MEF2A: variants seen among roughly 807,000 people sequenced by gnomAD.
MEF2A encodes myocyte enhancer factor 2A.
In MEF2A, 28 loss-of-function variants were observed where a neutral mutation model predicts 55.8. The ratio of observed to expected loss-of-function variants is 0.50; its 90% CI spans 0.37 to 0.69. The LOEUF (loss-of-function observed/expected upper bound fraction) is 0.69, where lower values mean the gene tolerates loss of function less well. Ranked by LOEUF, MEF2A falls within the 30% of genes least tolerant of loss-of-function variation. The pLI, the probability that MEF2A is intolerant of heterozygous loss-of-function variation, is 0.00. For synonymous variants in MEF2A, 239 were observed against 227.1 expected, an observed-to-expected ratio of 1.05 and a Z score of -0.47; for missense variants, 528 against 626.2, an observed-to-expected ratio of 0.84 and a Z score of 1.67.
In MEF2A at chr15:99,712,564, A is replaced by ACAACCCCCGCAGCCCCAGCCC. The variant is rs1297176531; in HGVS notation, c.1313_1333dup (p.Gln438_Pro444dup). The ACAACCCCCGCAGCCCCAGCCC allele has an allele frequency of 6.5e-7, 1 of 1,548,018 alleles. No individual in the cohort carries two copies. Among genetic ancestry groups the ACAACCCCCGCAGCCCCAGCCC allele is most frequent in the Non-Finnish European group, 8.7e-7 (1 of 1,144,980 alleles). ...CGCCGCCACCACCGCAGCCCCAGCC[A>ACAACCCCCGCAGCCCCAGCCC]CAACCCCCGCAGCCCCAGCCCCGAC... On this transcript the variant is annotated inframe_insertion, in exon 12 of 12. Transcript: ENST00000557942. This position sits in a 1 kb window ranked among gnomAD's most constrained non-coding sequence, Gnocchi z 4.1.
intron 4 of MEF2A, among the ~76,000 whole-genome samples, chr15:99,669,129 T>A (rs1438212094): frequency 6.6e-6 from 1 of 152,238 alleles, no homozygotes; most frequent in Non-Finnish European, 1.5e-5. Flanking sequence ...TTCTTTTTTC[T>A]CTGGCAATTA....
chr15:99,587,443 T>C (rs562092152), intron 1 of MEF2A, among the ~76,000 whole-genome samples: 5 of 152,344 alleles, frequency 3.3e-5, no homozygotes, highest in East Asian at 3.9e-4. Flanking sequence ...GGCTGTATTA[T>C]AAATTTTTAG....
At chr15:99,627,287 A>G (rs2570938) in intron 2 of MEF2A, among the ~76,000 whole-genome samples, 145,372 of 151,890 alleles carry the variant, frequency 0.96, 69,883 homozygotes, top group East Asian at 1. Context: ...GAACATGATG[A>G]TGGATGCCTA....
chr15:99,590,356 T>C (rs1968845209), intron 1 of MEF2A, among the ~76,000 whole-genome samples: 3 of 150,654 alleles, frequency 2.0e-5, no homozygotes, highest in Admixed American at 1.3e-4. Flanking sequence ...TGTGTTAATT[T>C]AAAGTGATAT....
intron 1 of MEF2A, among the ~76,000 whole-genome samples, chr15:99,594,271 G>A (rs1364566937): frequency 4.6e-5 from 7 of 152,120 alleles, no homozygotes; most frequent in African/African-American, 1.7e-4. Context: ...AGAACTCAGG[G>A]AAACACTTTA....
chr15:99,590,217 T>G (rs1043805142), intron 1 of MEF2A, among the ~76,000 whole-genome samples: 2 of 152,032 alleles, frequency 1.3e-5, no homozygotes, highest in Non-Finnish European at 2.9e-5. Flanking sequence ...TTTGATAATT[T>G]GAGACTGTAA....
At chr15:99,574,194 T>C (rs1963508648) in intron 1 of MEF2A, among the ~76,000 whole-genome samples, 1 of 152,194 alleles carries the variant, frequency 6.6e-6, no homozygotes, top group South Asian at 2.1e-4. Flanking sequence ...TCTTTTTATA[T>C]TTGCAGAGTG....
intron 8 of MEF2A, among the ~76,000 whole-genome samples, chr15:99,702,136 T>G (rs992076872): frequency 1.3e-5 from 2 of 152,256 alleles, no homozygotes; most frequent in African/African-American, 4.8e-5. Context: ...TATGTAAAGA[T>G]ATCTATAACA....
chr15:99,569,383 G>A (rs1961124412), intron 1 of MEF2A, among the ~76,000 whole-genome samples: 1 of 152,208 alleles, frequency 6.6e-6, no homozygotes, highest in African/African-American at 2.4e-5. Context: ...TTTAGTGTTT[G>A]TGACCAAAAG....
In MEF2A at chr15:99,674,486, G is replaced by A. The variant is rs554077925; in HGVS notation, c.484G>A (p.Val162Met). 1 of 1,613,920 alleles carries A rather than the reference G, an allele frequency of 6.2e-7. No individual in the cohort carries two copies. Among genetic ancestry groups the A allele is most frequent in the South Asian group, 1.1e-5 (1 of 91,082 alleles). Residue 162 changes from valine (V) to methionine (M), a missense_variant, in exon 6 of 12, where the codon GTG becomes ATG. Physicochemically the swap from Val to Met is conservative, Grantham distance 21 (BLOSUM62 1). Transcript: ENST00000557942. ...LSYTNPGSSL[V>M]SPSLAASSTL... ...CTACACTAACCCAGGGAGTTCACTG[G>A]TGTCCCCATCTTTGGCAGCCAGCTC...
chr15:99,588,989 C>G (rs143392342), intron 1 of MEF2A, among the ~76,000 whole-genome samples: 28 of 152,296 alleles, frequency 1.8e-4, no homozygotes, highest in African/African-American at 6.5e-4. Flanking sequence ...ATGTTTGCCT[C>G]TATACCCAAG....
At chr15:99,689,540 G>C (rs1390020271) in intron 7 of MEF2A, among the ~76,000 whole-genome samples, 1 of 152,164 alleles carries the variant, frequency 6.6e-6, no homozygotes, top group Non-Finnish European at 1.5e-5. Flanking sequence ...TAGTGCAGGG[G>C]CATGATCTCA....
chr15:99,659,415 G>T (rs1035925496), intron 4 of MEF2A, among the ~76,000 whole-genome samples: 4 of 152,136 alleles, frequency 2.6e-5, no homozygotes, highest in African/African-American at 9.7e-5. Context: ...GAAGATAGGG[G>T]TGATAAGATC....
intron 1 of MEF2A, among the ~76,000 whole-genome samples, chr15:99,567,531 C>T (rs377245617): frequency 6.6e-6 from 1 of 151,734 alleles, no homozygotes; most frequent in African/African-American, 2.4e-5. Context: ...CAAAATAGTT[C>T]TTTTTTAAAC....
chr15:99,675,047 T>C (rs1419004865), intron 6 of MEF2A, among the ~76,000 whole-genome samples: 1 of 152,192 alleles, frequency 6.6e-6, no homozygotes, highest in East Asian at 1.9e-4. Flanking sequence ...TATTAGTCTA[T>C]GAAATGCAGT....
chr15:99,594,244 T>G (rs1340157755), intron 1 of MEF2A, among the ~76,000 whole-genome samples: 1 of 152,156 alleles, frequency 6.6e-6, no homozygotes, highest in Non-Finnish European at 1.5e-5. Flanking sequence ...TTTGATTAAT[T>G]TGCTAGAGCA....
In MEF2A at chr15:99,598,072, G is replaced by T. The variant is rs570580308; in HGVS notation, c.-224-358G>T. On this transcript the variant is annotated intron_variant, in intron 1 of 11. Coordinates refer to ENST00000557942, the MANE Select transcript of MEF2A (RefSeq NM_001319206.4). ...AAACAAGTTTAGTTTATTGAAACTA[G>T]TAAGTTCAATAGGCTATACGCACAG... Among the ~76,000 whole-genome samples the T allele has an allele frequency of 7.3e-4, 111 of 152,246 alleles. 2 individuals are homozygous for T. The South Asian group carries it at 0.022, about 31-fold the overall frequency.
rs142095689 is a variant in MEF2A, at chr15:99,647,768, A to G, written c.258+2004A>G. ...AAATAAGTTAAAATGAATCGTGTTA[A>G]TAGTTCCTTGTGAAGTTCTAAATTA... On this transcript the variant is annotated intron_variant, in intron 4 of 11. Transcript: ENST00000557942. Among the ~76,000 whole-genome samples, 458 of 152,320 alleles carry G rather than the reference A, an allele frequency of 3.0e-3. 4 individuals carry two copies. The highest frequency in any genetic ancestry group is 0.01 in the African/African-American group (429 of 41,576).
intron 8 of MEF2A, among the ~76,000 whole-genome samples, chr15:99,695,541 T>TTGTGTGTGTGTGTGTGTATGTG (rs2056315499): frequency 2.1e-5 from 3 of 144,778 alleles, no homozygotes; most frequent in Non-Finnish European, 1.5e-5. Context: ...ATTGTCAGAT[T>TTGTGTGTGTGTGTGTGTATGTG]TGTGTGTGTG....
Sources: gnomAD v4.1 joint callset for allele counts (sites outside exome capture counted in the v4.1 genomes callset) on GRCh38, gnomAD v4.1.1 for gene constraint, Gnocchi (gnomAD v3.1) non-coding constraint, MANE v1.5 for transcripts, NCBI Gene and HGNC (gene_info 2026-07-23, HGNC 2026-07-21) for gene names.